Variants in CSGALNACT1 observed in about 807,000 individuals in gnomAD.
CSGALNACT1 encodes the protein chondroitin sulfate N-acetylgalactosaminyltransferase 1, also known as beta4GalNAcT-1.
A neutral mutation model predicts 51.0 loss-of-function variants in CSGALNACT1; 52 were observed. The observed-to-expected ratio is 1.02, with a 90% CI of 0.82 to 1.29. CSGALNACT1 has a LOEUF of 1.29. Among genes scored for constraint, CSGALNACT1 ranks in the 50% most tolerant of loss-of-function variants. The probability of loss-of-function intolerance (pLI) is 0.00; values close to 1 mark genes in which losing one functional copy is unlikely to be tolerated. For missense variants in CSGALNACT1, 935 were observed against 679.2 expected (o/e 1.38, Z -4.19); for synonymous variants, 341 against 254.4 (o/e 1.34, Z -3.24).
chr8:19,507,319 TCAGACGGGTCCCAGG>T (rs2077518682), intron 3 of CSGALNACT1, among the ~76,000 whole-genome samples: 1 of 152,058 alleles, frequency 6.6e-6, no homozygotes, highest in Non-Finnish European at 1.5e-5. Flanking sequence ...TAAGAAATAC[TCAGACGGGTCCCAGG>T]ACTTTTCACA....
Position 19,539,938 on chromosome 8 carries a change from T to G in CSGALNACT1, c.-296-33808A>C, listed in dbSNP as rs542987753. ...AAGTTCTGCCTGAGAGGAGTTGGGG[T>G]GAGTAGCTGGCTCCATCAGACTCCT... On this transcript the variant is annotated intron_variant, in intron 3 of 9. Coordinates refer to ENST00000454498, the Ensembl canonical transcript of CSGALNACT1. Among the ~76,000 whole-genome samples, 3 of 152,070 alleles carry G rather than the reference T, an allele frequency of 2.0e-5. No homozygotes were observed. In the East Asian group the frequency reaches 5.8e-4, roughly 29 times the overall value.
At chr8:19,677,110 C>CTT (rs34412968) in intron 1 of CSGALNACT1, among the ~76,000 whole-genome samples, 25 of 148,942 alleles carry the variant, frequency 1.7e-4, no homozygotes, top group South Asian at 6.4e-4. Context: ...TTTGAGAATG[C>CTT]TTTTTTTTTT....
At chr8:19,594,591 A>G (rs1025444270) in intron 2 of CSGALNACT1, among the ~76,000 whole-genome samples, 5 of 152,162 alleles carry the variant, frequency 3.3e-5, no homozygotes, top group African/African-American at 7.2e-5. Flanking sequence ...ATTAGTCACA[A>G]GGAGTGCAAT....
intron 4 of CSGALNACT1, among the ~76,000 whole-genome samples, chr8:19,472,805 G>C (rs1187695696): frequency 6.6e-6 from 1 of 152,132 alleles, no homozygotes; most frequent in Non-Finnish European, 1.5e-5. Context: ...TCTTTGAAGA[G>C]TAAGATAATA....
chr8:19,453,155 A>G (rs1158408568), intron 5 of CSGALNACT1, among the ~76,000 whole-genome samples: 1 of 152,254 alleles, frequency 6.6e-6, no homozygotes, highest in Non-Finnish European at 1.5e-5. Context: ...AAGAGAAAAA[A>G]TGGGTCTGAA....
chr8:19,445,702 C>T (rs2061999909), intron 5 of CSGALNACT1, among the ~76,000 whole-genome samples: 1 of 152,202 alleles, frequency 6.6e-6, no homozygotes, highest in Non-Finnish European at 1.5e-5. Flanking sequence ...ATATAACTAA[C>T]AAGTACTTTA....
At chr8:19,644,794 G>A (rs1315932461) in intron 1 of CSGALNACT1, among the ~76,000 whole-genome samples, 1 of 145,334 alleles carries the variant, frequency 6.9e-6, no homozygotes, top group Non-Finnish European at 1.5e-5. Flanking sequence ...CAGAATTACA[G>A]AACTAAAAAT....
At chr8:19,714,565 A>T (rs1193707049) in intron 1 of CSGALNACT1, among the ~76,000 whole-genome samples, 1 of 151,994 alleles carries the variant, frequency 6.6e-6, no homozygotes, top group Non-Finnish European at 1.5e-5. Flanking sequence ...TTTCCTTTTT[A>T]AAAATTTTTT....
intron 4 of CSGALNACT1, 66 bp from the exon 4 acceptor site, chr8:19,458,708 C>A: frequency 1.4e-6 from 2 of 1,441,610 alleles, no homozygotes; most frequent in South Asian, 2.3e-5. Flanking sequence ...TGTTTTTCAA[C>A]CGAGATCTAG....
At chr8:19,662,579 T>G (rs1348536941) in intron 1 of CSGALNACT1, among the ~76,000 whole-genome samples, 1 of 152,220 alleles carries the variant, frequency 6.6e-6, no homozygotes, top group African/African-American at 2.4e-5. Context: ...AGTGTACTCC[T>G]TTCTTAGGAA....
At chr8:19,670,446 A>T (rs981222066) in intron 1 of CSGALNACT1, among the ~76,000 whole-genome samples, 5 of 152,168 alleles carry the variant, frequency 3.3e-5, no homozygotes, top group Admixed American at 6.6e-5. Flanking sequence ...TTAAATGTTA[A>T]TAAGAAAATG....
chr8:19,681,624 C>T (rs17409243), intron 1 of CSGALNACT1, among the ~76,000 whole-genome samples: 7,959 of 152,252 alleles, frequency 0.052, 261 homozygotes, highest in South Asian at 0.11. Flanking sequence ...TAATTTGGTA[C>T]GTCCAAGGGT....
At chr8:19,464,716 A>T (rs1490823369) in intron 4 of CSGALNACT1, among the ~76,000 whole-genome samples, 1 of 152,164 alleles carries the variant, frequency 6.6e-6, no homozygotes, top group Non-Finnish European at 1.5e-5. Context: ...TATGCTCCTT[A>T]TGAGAATTGA....
At chr8:19,419,928 C>T (rs946353259) in intron 7 of CSGALNACT1, among the ~76,000 whole-genome samples, 1 of 152,178 alleles carries the variant, frequency 6.6e-6, no homozygotes, top group African/African-American at 2.4e-5. Context: ...TGGGAGGTAA[C>T]TGAATGATGG....
chr8:19,514,475 CTATATA>C lies in CSGALNACT1; in HGVS notation c.-296-8351_-296-8346del, dbSNP rs33928915. ...GCATCATATGACTTTTGAACAGAGA[CTATATA>C]TATATATATATATATATATATATAT... On this transcript the variant is annotated intron_variant, in intron 3 of 9. Transcript: ENST00000454498. Among the ~76,000 whole-genome samples the C allele has an allele frequency of 3.9e-3, 304 of 78,810 alleles. 7 individuals are homozygous for C. Among genetic ancestry groups the C allele is most frequent in the South Asian group, 0.012 (25 of 2,060 alleles). The allele number at this position is 78,810 out of a possible 152,430, so 51.7% of individuals were successfully genotyped here. A position where few individuals can be genotyped will look rare whatever the true frequency, so the allele number is the denominator to read the frequency against.
chr8:19,492,659 C>T (rs544241693), intron 4 of CSGALNACT1, among the ~76,000 whole-genome samples: 75 of 152,304 alleles, frequency 4.9e-4, no homozygotes, highest in African/African-American at 1.8e-3. Flanking sequence ...CAGCTGGAAG[C>T]CCAGCCATGC....
intron 1 of CSGALNACT1, among the ~76,000 whole-genome samples, chr8:19,671,267 T>C (rs1017700913): frequency 2.0e-5 from 3 of 152,172 alleles, no homozygotes; most frequent in South Asian, 2.1e-4. Flanking sequence ...CTCGACAATA[T>C]TCTCTGCCTG....
Position 19,502,245 on chromosome 8 carries a change from A to C in CSGALNACT1, c.634+2956T>G, listed in dbSNP as rs140971395. Reference sequence around the variant, plus strand: ...ATCTCTGAGAGATGGTTGCTTGGCAAAGCTATGGAGAAAAGCTTTGTATTT... The same window carrying C: ...ATCTCTGAGAGATGGTTGCTTGGCACAGCTATGGAGAAAAGCTTTGTATTT... On this transcript the variant is annotated intron_variant, in intron 4 of 9. Transcript: ENST00000454498. Among the ~76,000 whole-genome samples, 189 of 152,324 alleles carry C rather than the reference A, an allele frequency of 1.2e-3. 2 individuals are homozygous for C. The highest frequency in any genetic ancestry group is 3.9e-3 in the African/African-American group (164 of 41,574).
In CSGALNACT1 at chr8:19,513,436, C is replaced by CTCTCTCTATATATATA; in HGVS notation, c.-296-7307_-296-7306insTATATATATAGAGAGA. 3.4e-3 allele frequency among the ~76,000 whole-genome samples: 282 copies of CTCTCTCTATATATATA among 81,872 alleles called. 2 individuals are homozygous for CTCTCTCTATATATATA. The highest frequency in any genetic ancestry group is 8.7e-3 in the East Asian group (11 of 1,266). The allele number at this position is 81,872 out of a possible 152,430, so 53.7% of individuals were successfully genotyped here. A position where few individuals can be genotyped will look rare whatever the true frequency, so the allele number is the denominator to read the frequency against. ...TCTCACTCTCTCTCTCTCTCTCTCT[C>CTCTCTCTATATATATA]TATATATATATATATATATATATAT... is the stretch of plus-strand genomic sequence containing the variant. On this transcript the variant is annotated intron_variant, in intron 3 of 9. Coordinates refer to ENST00000454498, the Ensembl canonical transcript of CSGALNACT1.
Sources: allele counts gnomAD v4.1 joint callset (sites outside exome capture counted in the v4.1 genomes callset), GRCh38; gene constraint gnomAD v4.1.1; transcripts MANE v1.5; gene names NCBI Gene and HGNC (gene_info 2026-07-23, HGNC 2026-07-21).